The following PIP4P2 variants were observed in gnomAD, a reference collection of about 807,000 sequenced individuals.
The protein encoded by PIP4P2 is type 2 phosphatidylinositol 4,5-bisphosphate 4-phosphatase.
Under a neutral mutation model 33.3 loss-of-function variants are expected in PIP4P2, and 19 were observed. That is an observed-to-expected ratio of 0.57 (90% CI 0.40 to 0.84). PIP4P2 has a LOEUF of 0.84. Among genes scored for constraint, PIP4P2 ranks in the 40% least tolerant of loss-of-function variants. The pLI is 0.00. For synonymous variants in PIP4P2, 110 were observed against 111.9 expected (o/e 0.98, Z 0.11); for missense variants, 270 against 324.7 (o/e 0.83, Z 1.29).
chr8:91,035,865 T>TA (rs1378721139), intron 1 of PIP4P2, among the ~76,000 whole-genome samples: 2 of 151,920 alleles, frequency 1.3e-5, no homozygotes, highest in East Asian at 1.9e-4. Context: ...CTCATCTCTA[T>TA]AAAAAATACA....
rs1477169734 is a variant in PIP4P2, at chr8:90,999,970, C to T, written c.540-3226G>A. Among the ~76,000 whole-genome samples, 3 of 151,990 alleles carry T rather than the reference C, an allele frequency of 2.0e-5. No homozygotes were observed. The East Asian group carries it at 5.8e-4, about 29-fold the overall frequency. On this transcript the variant is annotated intron_variant, in intron 5 of 6. Transcript: ENST00000285419. ...ATTCCTGTATTTTCTGCTTTTCTACCTTTATTTCCAGACTTCTTTTATATT... is the reference window on the plus strand; with the variant it reads ...ATTCCTGTATTTTCTGCTTTTCTACTTTTATTTCCAGACTTCTTTTATATT...
intron 5 of PIP4P2, among the ~76,000 whole-genome samples, chr8:91,002,920 G>A (rs1811718144): frequency 6.6e-6 from 1 of 152,136 alleles, no homozygotes; most frequent in Non-Finnish European, 1.5e-5. Flanking sequence ...TAGGTTGTGT[G>A]TGTAGAGACA....
At chr8:90,999,934 G>C (rs926383533) in intron 5 of PIP4P2, among the ~76,000 whole-genome samples, 17 of 151,732 alleles carry the variant, frequency 1.1e-4, no homozygotes, top group Middle Eastern at 3.4e-3. Flanking sequence ...ACCTTATTTT[G>C]GCTTTCTACT....
rs374960224 is a variant in PIP4P2, at chr8:91,039,788, G to C, written c.106+856C>G. Reference sequence around the variant, plus strand: ...ATTTACTATAGTAATCAACTAAAAGGCTTAGAACAACGATCGATTTTTAAA... The same window carrying C: ...ATTTACTATAGTAATCAACTAAAAGCCTTAGAACAACGATCGATTTTTAAA... On this transcript the variant is annotated intron_variant, in intron 1 of 6. Transcript: ENST00000285419. 2.2e-4 allele frequency among the ~76,000 whole-genome samples: 34 copies of C among 152,022 alleles called. No homozygotes were observed. In the East Asian group the frequency reaches 4.4e-3, roughly 20 times the overall value.
At position 91,008,763 on chromosome 8, in the gene PIP4P2, T is replaced by C. The variant is rs1392105069; in HGVS notation, c.519A>G (p.Lys173=). ...CTTACATTTTTTTGCAGTGTGGGCA[T>C]TTTGCCAGAGTGTTGAACCTCAGTT... The part of the protein sequence containing the change: ...WMELRFNTLA[K]CPHCKKISSV... Residue 173 remains lysine (K), a synonymous_variant, in exon 5 of 7, where the codon AAA becomes AAG. Transcript: ENST00000285419. 1.9e-6 allele frequency: 3 copies of C among 1,610,076 alleles called. No homozygotes were observed. The highest frequency in any genetic ancestry group is 1.7e-6 in the Non-Finnish European group (2 of 1,177,152).
At chr8:91,040,411 A>ACCACCACCC (rs1812288465) in intron 1 of PIP4P2, among the ~76,000 whole-genome samples, 1 of 121,426 alleles carries the variant, frequency 8.2e-6, no homozygotes, top group African/African-American at 2.6e-5. Context: ...CACCACCACC[A>ACCACCACCC]CCACCATCAC....
intron 1 of PIP4P2, among the ~76,000 whole-genome samples, chr8:91,040,412 C>T (rs893865103): frequency 4.1e-5 from 5 of 122,688 alleles, no homozygotes; most frequent in Non-Finnish European, 7.9e-5. Flanking sequence ...ACCACCACCA[C>T]CACCATCACC....
chr8:91,039,549 G>A (rs1261873345), intron 1 of PIP4P2, among the ~76,000 whole-genome samples: 1 of 152,126 alleles, frequency 6.6e-6, no homozygotes, highest in East Asian at 1.9e-4. Context: ...TTAAAAACTT[G>A]TATTACAAGA....
chr8:91,009,237 C>T (rs544550423), intron 4 of PIP4P2, among the ~76,000 whole-genome samples: 1 of 152,066 alleles, frequency 6.6e-6, no homozygotes, highest in African/African-American at 2.4e-5. Flanking sequence ...AGAAAGTCAC[C>T]AAGTACATAA....
chr8:90,997,394 G>A (rs1231063416), intron 5 of PIP4P2, among the ~76,000 whole-genome samples: 1 of 151,974 alleles, frequency 6.6e-6, no homozygotes, highest in South Asian at 2.1e-4. Flanking sequence ...TGCCAACAAA[G>A]TATCATTTAA....
intron 5 of PIP4P2, among the ~76,000 whole-genome samples, chr8:90,998,274 G>T (rs891734293): frequency 6.6e-6 from 1 of 151,930 alleles, no homozygotes. Flanking sequence ...ATATTAGAGC[G>T]GCTTTTCTGT....
intron 1 of PIP4P2, chr8:91,024,500 TAC>T (rs1812055701): frequency 4.0e-6 from 1 of 251,032 alleles, no homozygotes; most frequent in Admixed American, 4.5e-5. Context: ...CATAGCTCAA[TAC>T]AGTCTTGAAC....
At chr8:91,032,828 A>C (rs2130381516) in intron 1 of PIP4P2, among the ~76,000 whole-genome samples, 1 of 151,866 alleles carries the variant, frequency 6.6e-6, no homozygotes, top group Non-Finnish European at 1.5e-5. Context: ...ACCTGAGCAC[A>C]AGGTGTATTC....
intron 5 of PIP4P2, among the ~76,000 whole-genome samples, chr8:91,004,906 G>A (rs1811747269): frequency 6.6e-6 from 1 of 152,082 alleles, no homozygotes; most frequent in Non-Finnish European, 1.5e-5. Flanking sequence ...TAGCTGTTTT[G>A]GGAAATGGGA....
intron 1 of PIP4P2, among the ~76,000 whole-genome samples, chr8:91,032,559 T>A (rs1812177540): frequency 6.6e-6 from 1 of 151,952 alleles, no homozygotes; most frequent in Non-Finnish European, 1.5e-5. Context: ...GGTGGGTGGA[T>A]CATTTGAGGT....
At chr8:91,008,346 A>G (rs1199359599) in intron 5 of PIP4P2, among the ~76,000 whole-genome samples, 1 of 152,192 alleles carries the variant, frequency 6.6e-6, no homozygotes, top group Non-Finnish European at 1.5e-5. Context: ...CTTATTAGGC[A>G]GGAGATGAAA....
intron 1 of PIP4P2, among the ~76,000 whole-genome samples, chr8:91,036,302 T>C (rs975834193): frequency 3.9e-5 from 6 of 152,064 alleles, no homozygotes; most frequent in African/African-American, 1.4e-4. Context: ...GTAGATCCAA[T>C]TGTCACATCT....
chr8:91,007,977 G>A (rs1811784594), intron 5 of PIP4P2, among the ~76,000 whole-genome samples: 2 of 152,086 alleles, frequency 1.3e-5, no homozygotes, highest in African/African-American at 4.8e-5. Flanking sequence ...TTCACTGCTG[G>A]GGTACTTCAC....
At chr8:91,040,577 T>C (rs929551568) in intron 1 of PIP4P2, 67 bp downstream of exon 1, 7 of 1,575,348 alleles carry the variant, frequency 4.4e-6, no homozygotes, top group African/African-American at 2.7e-5. Context: ...CCCAGGTCTT[T>C]ATCCTTCTGG....
Sources: allele counts gnomAD v4.1 joint callset (sites outside exome capture counted in the v4.1 genomes callset), GRCh38; gene constraint gnomAD v4.1.1; transcripts MANE v1.5; gene names NCBI Gene and HGNC (gene_info 2026-07-23, HGNC 2026-07-21).